THSD7B: variants seen among roughly 807,000 people sequenced by gnomAD.
THSD7B encodes the protein thrombospondin type-1 domain-containing protein 7B.
In THSD7B, 138 loss-of-function variants were observed where a neutral mutation model predicts 213.6. The ratio of observed to expected loss-of-function variants is 0.65; its 90% confidence interval spans 0.56 to 0.74. The LOEUF is 0.74. THSD7B is among the 30% of genes least tolerant of loss of function. The pLI is 0.00. For synonymous variants in THSD7B, 742 were observed against 687.0 expected (o/e 1.08, Z -1.25); for missense variants, 1,931 against 1,991.5 (o/e 0.97, Z 0.58).
chr2:137,086,997 G>C (rs1252852467), intron 3 of THSD7B, among the ~76,000 whole-genome samples: 2 of 152,026 alleles, frequency 1.3e-5, no homozygotes, highest in African/African-American at 4.8e-5. Flanking sequence ...ACAACCAAAG[G>C]TCCCACTAAT....
intron 4 of THSD7B, among the ~76,000 whole-genome samples, chr2:137,104,814 T>C (rs1479408685): frequency 6.6e-6 from 1 of 152,070 alleles, no homozygotes; most frequent in Non-Finnish European, 1.5e-5. Context: ...CTACAAGAAA[T>C]GGATAAATTC....
intron 1 of THSD7B, among the ~76,000 whole-genome samples, chr2:136,876,869 T>C (rs1683533396): frequency 6.6e-6 from 1 of 152,178 alleles, no homozygotes; most frequent in Admixed American, 6.5e-5. Flanking sequence ...CACTGATGGG[T>C]AAACACATGT....
intron 12 of THSD7B, among the ~76,000 whole-genome samples, chr2:137,278,341 T>C (rs551816959): frequency 6.6e-5 from 10 of 152,226 alleles, no homozygotes; most frequent in African/African-American, 2.4e-4. Flanking sequence ...AATAAGATTG[T>C]AGGACTTTTC....
intron 15 of THSD7B, among the ~76,000 whole-genome samples, chr2:137,499,403 C>T (rs1679650087): frequency 1.3e-5 from 2 of 152,160 alleles, no homozygotes; most frequent in South Asian, 4.1e-4. Context: ...TTCAGCCTGG[C>T]TGAAGCCCTA....
chr2:137,019,222 C>G (rs10496762), intron 2 of THSD7B, among the ~76,000 whole-genome samples: 80,531 of 151,992 alleles, frequency 0.53, 24,308 homozygotes, highest in Non-Finnish European at 0.66. Flanking sequence ...TCTTAACACC[C>G]TGCTAAGGAG....
chr2:137,626,046 G>A (rs1213944970), intron 20 of THSD7B, among the ~76,000 whole-genome samples: 1 of 152,226 alleles, frequency 6.6e-6, no homozygotes, highest in Non-Finnish European at 1.5e-5. Context: ...TCACTGGGAT[G>A]TGGGTAGCAG....
At chr2:137,640,768 A>G (rs1283852810) in intron 20 of THSD7B, among the ~76,000 whole-genome samples, 1 of 152,250 alleles carries the variant, frequency 6.6e-6, no homozygotes, top group Admixed American at 6.5e-5. Context: ...ATATTATTGT[A>G]TCACACATTT....
chr2:137,024,844 AAT>A (rs1686516018), intron 2 of THSD7B, among the ~76,000 whole-genome samples: 1 of 152,136 alleles, frequency 6.6e-6, no homozygotes, highest in Non-Finnish European at 1.5e-5. Flanking sequence ...CCTTGCTGAC[AAT>A]ATCTTATCTG....
intron 2 of THSD7B, among the ~76,000 whole-genome samples, chr2:136,957,265 G>A (rs779146062): frequency 8.2e-4 from 124 of 152,122 alleles, no homozygotes; most frequent in Admixed American, 3.9e-4. Flanking sequence ...AGAGAAGGTA[G>A]GACTGTATCT....
intron 1 of THSD7B, among the ~76,000 whole-genome samples, chr2:136,870,071 C>CAAAA (rs5834512): frequency 1.6e-4 from 21 of 130,620 alleles, no homozygotes; most frequent in African/African-American, 5.5e-4. Flanking sequence ...GACTCCGTCT[C>CAAAA]AAAAAAAAAA....
chr2:137,652,330 C>T (rs537076821), intron 21 of THSD7B, among the ~76,000 whole-genome samples: 49 of 152,208 alleles, frequency 3.2e-4, no homozygotes, highest in African/African-American at 1.1e-3. Flanking sequence ...TTTACAGTCT[C>T]TGATTTGTAG....
rs185810235 is a variant in THSD7B, at chr2:137,556,300, G to T, written c.3139-6921G>T. On this transcript the variant is annotated intron_variant, in intron 15 of 27. Coordinates refer to ENST00000409968, the MANE Select transcript of THSD7B (RefSeq NM_001316349.2). The stretch of plus-strand genomic sequence containing the variant: ...TTAAGGGCAGACAGAGAGAAAGGTC[G>T]GGTTACCCACAAAGGGAAGCCCATC... Among the ~76,000 whole-genome samples the T allele has an allele frequency of 5.9e-3, 895 of 152,156 alleles. 16 individuals are homozygous for T. The East Asian group carries it at 0.068, about 12-fold the overall frequency.
intron 9 of THSD7B, 67 bp downstream of exon 9, chr2:137,233,200 A>G: frequency 7.1e-7 from 1 of 1,415,220 alleles, no homozygotes; most frequent in African/African-American, 1.4e-5. Context: ...AGTTGAAAGC[A>G]TTTATCAAGC....
chr2:137,613,827 T>A (rs1246110309), intron 17 of THSD7B, among the ~76,000 whole-genome samples: 1 of 152,174 alleles, frequency 6.6e-6, no homozygotes, highest in Non-Finnish European at 1.5e-5. Flanking sequence ...CACTCCTCCA[T>A]CTCTCTTGTG....
intron 12 of THSD7B, among the ~76,000 whole-genome samples, chr2:137,401,694 C>T (rs1686368392): frequency 6.8e-6 from 1 of 147,946 alleles, no homozygotes; most frequent in Non-Finnish European, 1.5e-5. Context: ...CCTTGGGTTA[C>T]CATTAAGAGA....
intron 2 of THSD7B, among the ~76,000 whole-genome samples, chr2:137,025,303 A>G (rs1462841429): frequency 6.6e-6 from 1 of 152,000 alleles, no homozygotes; most frequent in African/African-American, 2.4e-5. Context: ...CATTCCACAG[A>G]TTTTGCCAGA....
intron 12 of THSD7B, among the ~76,000 whole-genome samples, chr2:137,311,373 TG>T (rs1683901930): frequency 6.6e-6 from 1 of 152,132 alleles, no homozygotes; most frequent in Non-Finnish European, 1.5e-5. Flanking sequence ...GAGACTTTGC[TG>T]AAGTTGCTTA....
At chr2:137,587,551 A>G (rs891103045) in intron 17 of THSD7B, among the ~76,000 whole-genome samples, 3 of 152,142 alleles carry the variant, frequency 2.0e-5, no homozygotes, top group Non-Finnish European at 4.4e-5. Flanking sequence ...TTTTCCTTCT[A>G]ACATTCAGGA....
chr2:137,114,160 C>T (rs1212533534), intron 4 of THSD7B, among the ~76,000 whole-genome samples: 1 of 152,078 alleles, frequency 6.6e-6, no homozygotes, highest in African/African-American at 2.4e-5. Context: ...TTTAAACAAT[C>T]ACAAAACTGA....
Sources: allele counts gnomAD v4.1 joint callset (sites outside exome capture counted in the v4.1 genomes callset), GRCh38; gene constraint gnomAD v4.1.1; transcripts MANE v1.5; gene names NCBI Gene and HGNC (gene_info 2026-07-23, HGNC 2026-07-21).